BTAF1: variants seen among roughly 807,000 people sequenced by gnomAD.
BTAF1 encodes B-TFIID TATA-box binding protein associated factor 1.
Under a neutral mutation model 227.1 loss-of-function variants are expected in BTAF1, and 38 were observed. That is an observed-to-expected ratio of 0.17 (90% CI 0.13 to 0.22). The LOEUF (loss-of-function observed/expected upper bound fraction) is 0.22. BTAF1 is among the 10% of genes least tolerant of loss of function. The pLI is 1.00. For synonymous variants in BTAF1, 742 were observed against 751.9 expected, an observed-to-expected ratio of 0.99 and a Z score of 0.21; for missense variants, 1,598 against 2,204.0, an observed-to-expected ratio of 0.73 and a Z score of 5.51.
intron 25 of BTAF1, among the ~76,000 whole-genome samples, chr10:92,007,705 T>C (rs953901669): frequency 6.6e-6 from 1 of 152,206 alleles, no homozygotes; most frequent in Non-Finnish European, 1.5e-5. Flanking sequence ...TAAAAGCAAA[T>C]AATGTTTTTC....
chr10:92,017,009 T>C (rs1850787881), intron 33 of BTAF1, among the ~76,000 whole-genome samples: 2 of 152,236 alleles, frequency 1.3e-5, no homozygotes, highest in South Asian at 2.1e-4. Context: ...AGAGAATCTT[T>C]TGCTTTTTTA....
chr10:91,932,640 A>G (rs928349014), intron 1 of BTAF1, among the ~76,000 whole-genome samples: 1 of 152,206 alleles, frequency 6.6e-6, no homozygotes, highest in Non-Finnish European at 1.5e-5. Context: ...GAGAGATGCC[A>G]CAAAAAAATA....
intron 4 of BTAF1, among the ~76,000 whole-genome samples, chr10:91,943,179 T>C (rs933260943): frequency 6.6e-6 from 1 of 152,124 alleles, no homozygotes; most frequent in Admixed American, 6.6e-5. Context: ...CCGGGCATGG[T>C]GGCGAGCGCC....
chr10:92,024,733 T>TTTTTTTGG (rs778466491), intron 34 of BTAF1, 23 bp from the exon 35 acceptor site: 5 of 1,158,080 alleles, frequency 4.3e-6, no homozygotes, highest in East Asian at 6.1e-5. Flanking sequence ...GCTTATGTAG[T>TTTTTTTGG]TTTTTTTTTT....
Position 91,982,640 on chromosome 10 carries a change from C to T in BTAF1, c.2102C>T (p.Thr701Ile). Residue 701 changes from threonine (T) to isoleucine (I), a missense_variant, in exon 18 of 38, where the codon ACT (threonine) becomes ATT (isoleucine). Thr to Ile is a moderately conservative substitution (Grantham distance 89, BLOSUM62 -1). Around this residue, in one of 10 missense-constraint regions of BTAF1, gnomAD observed 318 missense variants for 435.0 expected, o/e 0.73. Transcript: ENST00000265990. ...CICDPGVNVV[T>I]QEIKPAESLG... ...TGTGATCCAGGTGTAAATGTGGTAA[C>T]TCAAGAAATTAAACCAGCTGAATCC... The T allele has an allele frequency of 1.9e-6, 3 of 1,613,830 alleles. No homozygotes were observed. The highest frequency in any genetic ancestry group is 2.5e-6 in the Non-Finnish European group (3 of 1,179,848).
At chr10:91,951,262 G>T in intron 4 of BTAF1, 141 bp from the exon 5 acceptor site, 1 of 807,446 alleles carries the variant, frequency 1.2e-6, no homozygotes, top group East Asian at 2.9e-5. Flanking sequence ...GAGTTTATGA[G>T]ATGATCATGA....
At chr10:91,963,222 C>T (rs935777737) in intron 12 of BTAF1, among the ~76,000 whole-genome samples, 1 of 151,924 alleles carries the variant, frequency 6.6e-6, no homozygotes, top group African/African-American at 2.4e-5. Flanking sequence ...CCTCAGCCTC[C>T]TAAGTAGCTG....
chr10:91,997,859 A>C lies in BTAF1; in HGVS notation c.3660+108A>C, dbSNP rs1849246013. ...TACAAAGGCTCATGCCTGTAATCCC[A>C]GCACTTTCTGAGGCTGAGGTGGGTG... On this transcript the variant is annotated intron_variant, in intron 25 of 37. Transcript: ENST00000265990. The C allele has an allele frequency of 3.4e-6, 4 of 1,162,916 alleles. No homozygotes were observed. The African/African-American group carries it at 6.2e-5, about 18-fold the overall frequency. 72.0% of individuals were successfully genotyped at this position (1,162,916 alleles called of 1,614,324 possible). A position where few individuals can be genotyped will look rare whatever the true frequency, so the allele number is the denominator to read the frequency against.
chr10:92,007,210 C>CTTTTTTTTTT lies in BTAF1; in HGVS notation c.3661-896_3661-887dup, dbSNP rs969389265. 5.9e-4 allele frequency among the ~76,000 whole-genome samples: 36 copies of CTTTTTTTTTT among 61,278 alleles called. 6 individuals carry two copies. Among genetic ancestry groups the CTTTTTTTTTT allele is most frequent in the Non-Finnish European group, 8.5e-4 (26 of 30,504 alleles). 40.2% of individuals were successfully genotyped at this position (61,278 alleles called of 152,430 possible). ...ACTGCTCTATCAAGGTATTTTTTGT[C>CTTTTTTTTTT]TTTTTTTTTTTTTTTTTTTTTTTTT... is the stretch of plus-strand genomic sequence containing the variant. On this transcript the variant is annotated intron_variant, in intron 25 of 37. Coordinates refer to ENST00000265990, the MANE Select transcript of BTAF1 (RefSeq NM_003972.3).
At chr10:91,966,531 A>T in intron 13 of BTAF1, 106 bp from the exon 14 acceptor site, 2 of 1,161,388 alleles carry the variant, frequency 1.7e-6, no homozygotes, top group Non-Finnish European at 2.4e-6. Flanking sequence ...TCATCAAAAA[A>T]GTCACATGGT....
chr10:92,008,941 A>T lies in BTAF1; in HGVS notation c.3926A>T (p.His1309Leu). Residue 1309 changes from histidine (H) to leucine (L), a missense_variant, in exon 27 of 38, where the codon CAT becomes CTT. Physicochemically the swap from His to Leu is moderately conservative, Grantham distance 99. Around this residue, in one of 10 missense-constraint regions of BTAF1, gnomAD observed 184 missense variants for 341.1 expected, o/e 0.54. Transcript: ENST00000265990. ...LQSICILAGD[H>L]CHRAQEYARS... ...TCCATCTGCATTCTAGCAGGAGATC[A>T]TTGTCATAGGTAATTTAAGATGTTA... 6.2e-7 allele frequency: 1 copy of T among 1,613,344 alleles called. No homozygotes were observed. The highest frequency in any genetic ancestry group is 8.5e-7 in the Non-Finnish European group (1 of 1,179,766).
intron 14 of BTAF1, among the ~76,000 whole-genome samples, chr10:91,971,832 T>C (rs930675503): frequency 1.4e-4 from 19 of 133,572 alleles, no homozygotes; most frequent in Admixed American, 7.9e-4. Flanking sequence ...TTTTTTAAAT[T>C]TTGGGATTTT....
intron 7 of BTAF1, 56 bp downstream of exon 7, chr10:91,956,713 G>A: frequency 1.3e-6 from 2 of 1,554,830 alleles, no homozygotes; most frequent in East Asian, 2.3e-5. Context: ...CTTTGGGCCA[G>A]CAGCGGTGGC....
intron 14 of BTAF1, among the ~76,000 whole-genome samples, chr10:91,979,897 A>G (rs1847952826): frequency 1.3e-5 from 2 of 152,190 alleles, no homozygotes; most frequent in African/African-American, 2.4e-5. Flanking sequence ...TTCTGATAAC[A>G]TAGTGTACAT....
At chr10:92,005,653 T>C (rs148906781) in intron 25 of BTAF1, among the ~76,000 whole-genome samples, 2 of 152,272 alleles carry the variant, frequency 1.3e-5, no homozygotes, top group East Asian at 3.9e-4. Context: ...TCTTAAAAAT[T>C]GAAGACACCA....
At position 91,992,245 on chromosome 10, in the gene BTAF1, T is replaced by G; in HGVS notation, c.2981T>G (p.Val994Gly). 6.2e-7 allele frequency: 1 copy of G among 1,613,364 alleles called. No homozygotes were observed. ...TSRRGPTPKAVKAQIADLPAG... is the reference protein window; with the variant it reads ...TSRRGPTPKAGKAQIADLPAG... ...AGGCGAGGTCCTACCCCCAAAGCAG[T>G]AAAAGCTCAAATAGCAGATCTTCCT... Residue 994 changes from valine to glycine, a missense_variant, in exon 21 of 38, where the codon GTA becomes GGA. Val to Gly is a moderately radical substitution (Grantham distance 109). This residue lies in a region of BTAF1 where 425 missense variants were observed against 491.2 expected (regional missense o/e 0.87). Transcript: ENST00000265990.
At chr10:91,972,023 A>G (rs868489715) in intron 14 of BTAF1, among the ~76,000 whole-genome samples, 1 of 152,176 alleles carries the variant, frequency 6.6e-6, no homozygotes, top group African/African-American at 2.4e-5. Flanking sequence ...CATAAAAATT[A>G]TCATCCTTTC....
intron 34 of BTAF1, among the ~76,000 whole-genome samples, chr10:92,021,989 C>G (rs1589994965): frequency 6.6e-6 from 1 of 152,162 alleles, no homozygotes; most frequent in Non-Finnish European, 1.5e-5. Context: ...TTGAAATGCT[C>G]TCTGGGGTGT....
rs780262978 is a variant in BTAF1, at chr10:91,951,586, A to T, written c.564+20A>T. 7.7e-6 allele frequency: 12 copies of T among 1,564,328 alleles called. No individual in the cohort carries two copies. The highest frequency in any genetic ancestry group is 1.0e-5 in the Non-Finnish European group (12 of 1,161,420). ...CAACCTGTAGGTAAAACGTTTGGTT[A>T]TTTGATTGCAAGTAATAATACAAAG... On this transcript the variant is annotated intron_variant, in intron 5 of 37. Transcript: ENST00000265990.
Sources: allele counts gnomAD v4.1 joint callset (sites outside exome capture counted in the v4.1 genomes callset), GRCh38; gene constraint gnomAD v4.1.1; regional missense constraint gnomAD v4.1.1; transcripts MANE v1.5; gene names NCBI Gene and HGNC (gene_info 2026-07-23, HGNC 2026-07-21).